The following SNTG2 variants were observed in gnomAD, a reference collection of about 807,000 sequenced individuals.
SNTG2 encodes the protein syntrophin gamma 2.
SNTG2 carries 74 observed loss-of-function variants against 70.9 expected under a neutral mutation model. That is an observed-to-expected ratio of 1.04 (90% confidence interval 0.86 to 1.27). The LOEUF is 1.27. Ranked by LOEUF, SNTG2 falls within the 50% of genes most tolerant of loss-of-function variation. SNTG2 has a pLI of 0.00. For missense variants in SNTG2, 717 were observed against 690.7 expected (o/e 1.04, Z -0.43); for synonymous variants, 278 against 273.8 (o/e 1.02, Z -0.15).
intron 1 of SNTG2, among the ~76,000 whole-genome samples, chr2:1,042,325 A>G (rs1464343984): frequency 4.6e-5 from 7 of 152,036 alleles, no homozygotes; most frequent in Non-Finnish European, 1.5e-5. Context: ...CTTATTCACA[A>G]ATATTTCTCA....
chr2:968,365 CTG>C (rs1660636347), intron 1 of SNTG2, among the ~76,000 whole-genome samples: 2 of 152,200 alleles, frequency 1.3e-5, no homozygotes, highest in South Asian at 4.1e-4. Context: ...TCTTTTCTGT[CTG>C]TTTTTTAAAA....
chr2:1,177,472 T>C (rs4971405), intron 8 of SNTG2, among the ~76,000 whole-genome samples: 47,379 of 150,790 alleles, frequency 0.31, 7,992 homozygotes, highest in East Asian at 0.65. Flanking sequence ...GCAGATGTAC[T>C]CTGGAACTTA....
At chr2:1,066,357 G>C (rs1474083630) in intron 1 of SNTG2, among the ~76,000 whole-genome samples, 1 of 151,848 alleles carries the variant, frequency 6.6e-6, no homozygotes, top group Admixed American at 6.6e-5. Context: ...GTTTTGCAGT[G>C]TACAGTCACG....
rs185772765 is a variant in SNTG2 at position 1,044,953 on chromosome 2, G to A, written c.73-38565G>A. On this transcript the variant is annotated intron_variant, in intron 1 of 16. Coordinates refer to ENST00000308624, the MANE Select transcript of SNTG2 (RefSeq NM_018968.4). ...ATTTTTTTGGAATAGTTTCCGTAGC[G>A]TTGGTACCAGCTCTTATTTATACAT... 1.1e-4 allele frequency among the ~76,000 whole-genome samples: 16 copies of A among 151,932 alleles called. 1 individual carries two copies. The highest frequency in any genetic ancestry group is 2.9e-4 in the African/African-American group (12 of 41,464).
At chr2:1,272,886 G>C (rs979933854) in intron 14 of SNTG2, among the ~76,000 whole-genome samples, 1 of 152,206 alleles carries the variant, frequency 6.6e-6, no homozygotes, top group Admixed American at 6.5e-5. Flanking sequence ...GAGGACAACA[G>C]TGTCTCCTGC....
chr2:1,200,780 TATATGAAA>T (rs1003445941), intron 8 of SNTG2, among the ~76,000 whole-genome samples: 2 of 151,728 alleles, frequency 1.3e-5, no homozygotes, highest in African/African-American at 4.8e-5. Context: ...AACGAACAGA[TATATGAAA>T]AAAATGCTTA....
At chr2:1,044,927 A>G (rs1351265363) in intron 1 of SNTG2, among the ~76,000 whole-genome samples, 2 of 151,938 alleles carry the variant, frequency 1.3e-5, no homozygotes, top group Non-Finnish European at 2.9e-5. Flanking sequence ...CCTCTGCCTC[A>G]ATTTTTTTGG....
intron 6 of SNTG2, among the ~76,000 whole-genome samples, chr2:1,151,470 T>G (rs776326053): frequency 4.5e-4 from 68 of 152,314 alleles, no homozygotes; most frequent in Middle Eastern, 3.4e-3. Flanking sequence ...CCCTTCTGCC[T>G]GTTTCCAAAC....
chr2:974,923 A>C (rs1487918012), intron 1 of SNTG2, among the ~76,000 whole-genome samples: 5 of 152,156 alleles, frequency 3.3e-5, no homozygotes, highest in African/African-American at 1.2e-4. Context: ...ACAAAAAATA[A>C]AATCTCATCT....
chr2:1,060,376 G>A (rs892339985), intron 1 of SNTG2, among the ~76,000 whole-genome samples: 20 of 152,320 alleles, frequency 1.3e-4, no homozygotes, highest in African/African-American at 4.8e-4. Context: ...CTGTGTGTGT[G>A]TTTGGAGAGA....
chr2:976,791 C>T (rs1660920236), intron 1 of SNTG2, among the ~76,000 whole-genome samples: 1 of 152,148 alleles, frequency 6.6e-6, no homozygotes, highest in Non-Finnish European at 1.5e-5. Flanking sequence ...TGTGCAACCC[C>T]CACTCAAGAA....
At chr2:1,132,882 T>C (rs566652784) in intron 4 of SNTG2, among the ~76,000 whole-genome samples, 2 of 152,336 alleles carry the variant, frequency 1.3e-5, no homozygotes, top group South Asian at 4.1e-4. Flanking sequence ...GTGAGAACCA[T>C]GCATTTGCCT....
chr2:1,231,276 C>G (rs1676225230), intron 9 of SNTG2, among the ~76,000 whole-genome samples: 1 of 151,866 alleles, frequency 6.6e-6, no homozygotes. Flanking sequence ...TGAAATAGAT[C>G]CAAAAGGTGA....
intron 13 of SNTG2, among the ~76,000 whole-genome samples, chr2:1,262,575 G>C (rs991867517): frequency 8.3e-6 from 1 of 120,800 alleles, no homozygotes; most frequent in Non-Finnish European, 1.6e-5. Flanking sequence ...GAAGAAGCCG[G>C]GTCAAGTCTC....
chr2:1,299,715 G>A (rs147965130), intron 14 of SNTG2, among the ~76,000 whole-genome samples: 1 of 152,212 alleles, frequency 6.6e-6, no homozygotes, highest in Non-Finnish European at 1.5e-5. Context: ...CTGAGCTGTG[G>A]TGCCGGAAGC....
At chr2:997,333 A>G (rs879003060) in intron 1 of SNTG2, among the ~76,000 whole-genome samples, 1 of 152,024 alleles carries the variant, frequency 6.6e-6, no homozygotes, top group Admixed American at 6.5e-5. Flanking sequence ...CATGGTGAAC[A>G]TGTGTCAGGG....
intron 11 of SNTG2, among the ~76,000 whole-genome samples, chr2:1,246,817 A>G (rs1385016670): frequency 6.6e-6 from 1 of 152,196 alleles, no homozygotes; most frequent in African/African-American, 2.4e-5. Flanking sequence ...ATTTTATATC[A>G]TACGGCTCAA....
chr2:1,009,377 G>GGT (rs1352656098), intron 1 of SNTG2, among the ~76,000 whole-genome samples: 2 of 57,370 alleles, frequency 3.5e-5, no homozygotes, highest in Non-Finnish European at 6.8e-5. Flanking sequence ...TTCTGATACT[G>GGT]GTGGGTCGTG....
rs76602570 is a variant in SNTG2, at chr2:1,316,463, C to T, written c.1488+88C>T. The T allele has an allele frequency of 2.3e-3, 1,428 of 630,170 alleles. 15 individuals carry two copies. Among genetic ancestry groups the T allele is most frequent in the African/African-American group, 0.02 (1,074 of 53,772 alleles). The allele number at this position is 630,170 out of a possible 1,614,324, so 39.0% of individuals were successfully genotyped here. A position where few individuals can be genotyped will look rare whatever the true frequency, so the allele number is the denominator to read the frequency against. On this transcript the variant is annotated intron_variant, in intron 16 of 16. Transcript: ENST00000308624. ...TCCGCTGGTAAAAATCTCCACCCCTCCCATGCACACAAAAATAAACCAATA... is the reference window on the plus strand; with the variant it reads ...TCCGCTGGTAAAAATCTCCACCCCTTCCATGCACACAAAAATAAACCAATA...
Sources: allele counts gnomAD v4.1 joint callset (sites outside exome capture counted in the v4.1 genomes callset), GRCh38; gene constraint gnomAD v4.1.1; transcripts MANE v1.5; gene names NCBI Gene and HGNC (gene_info 2026-07-23, HGNC 2026-07-21).